The following GSDME variants were observed in gnomAD, a reference collection of about 807,000 sequenced individuals.
GSDME encodes the protein gasdermin E, also known as gasdermin-E.
GSDME carries 44 observed loss-of-function variants against 47.5 expected under a neutral mutation model. That is an observed-to-expected ratio of 0.93 (90% CI 0.73 to 1.19). The LOEUF (loss-of-function observed/expected upper bound fraction) is 1.19. Among genes scored for constraint, GSDME ranks in the 50% most tolerant of loss-of-function variants. GSDME has a pLI of 0.00. For missense variants in GSDME, 663 were observed against 604.2 expected (o/e 1.10, Z -1.02); for synonymous variants, 258 against 252.8 (o/e 1.02, Z -0.20).
chr7:24,762,963 G>T, the GSDME span, among the ~76,000 whole-genome samples: 1 of 152,262 alleles, frequency 6.6e-6, no homozygotes, highest in South Asian at 2.1e-4. Flanking sequence ...AGATAGATAA[G>T]GAAAGAACCC....
chr7:24,731,217 A>G (rs926456929), intron 3 of GSDME, among the ~76,000 whole-genome samples: 3 of 152,220 alleles, frequency 2.0e-5, no homozygotes, highest in African/African-American at 7.2e-5. Context: ...CAAGGGCTCC[A>G]TACACCTTTA....
At chr7:24,707,756 A>G (rs989891522) in intron 7 of GSDME, 2 of 453,990 alleles carry the variant, frequency 4.4e-6, no homozygotes, top group Non-Finnish European at 3.9e-6. Flanking sequence ...GCCATGAGCC[A>G]GGAACACTAG....
At chr7:24,752,132 G>A (rs1790879109) in intron 1 of GSDME, among the ~76,000 whole-genome samples, 1 of 152,212 alleles carries the variant, frequency 6.6e-6, no homozygotes, top group African/African-American at 2.4e-5. Flanking sequence ...AGGAGGTGAT[G>A]GAGGGATGGG....
upstream of GSDME, among the ~76,000 whole-genome samples, chr7:24,762,537 C>G (rs1010667401): frequency 6.6e-6 from 1 of 152,048 alleles, no homozygotes; most frequent in Admixed American, 6.6e-5. Context: ...AGCCCATGCA[C>G]CTAACATCTT....
chr7:24,746,430 C>T (rs1351899558), intron 2 of GSDME, among the ~76,000 whole-genome samples: 2 of 151,900 alleles, frequency 1.3e-5, no homozygotes, highest in African/African-American at 4.8e-5. Context: ...AGCTACCTGA[C>T]GGGTTCTGCT....
chr7:24,726,190 C>G lies in GSDME; in HGVS notation c.405-6972G>C, dbSNP rs953882569. Among the ~76,000 whole-genome samples, 1 of 152,176 alleles carries G rather than the reference C, an allele frequency of 6.6e-6. No individual in the cohort carries two copies. Among genetic ancestry groups the G allele is most frequent in the Non-Finnish European group, 1.5e-5 (1 of 68,030 alleles). On this transcript the variant is annotated intron_variant, in intron 3 of 9. Transcript: ENST00000645220. The surrounding 1 kb of genome is among the most constrained non-coding windows in gnomAD (Gnocchi z 5.6). ...AGCCGCCTCCTCTCCCAGCCTGAAG[C>G]TTTAATTTCCATTTTCTCTGCTTCT...
chr7:24,707,709 G>T, intron 7 of GSDME: 1 of 396,764 alleles, frequency 2.5e-6, no homozygotes, highest in Non-Finnish European at 4.6e-6. Flanking sequence ...CAGAGGGGAA[G>T]CCCACATGGA....
rs2237308 is a variant in GSDME, at chr7:24,719,519, G to A, written c.405-301C>T. Among the ~76,000 whole-genome samples, 15,644 of 152,162 alleles carry A rather than the reference G, an allele frequency of 0.1. 1,364 individuals are homozygous for A. Among genetic ancestry groups the A allele is most frequent in the East Asian group, 0.46 (2,370 of 5,154 alleles). ...AAAAGAAAATCAACCAGGGCCAGGC[G>A]TGGTGGCTCACACCTGTAATCCCAG... On this transcript the variant is annotated intron_variant, in intron 3 of 9. Coordinates refer to ENST00000645220, the MANE Select transcript of GSDME (RefSeq NM_001127453.2).
chr7:24,751,158 T>G (rs767399306), intron 1 of GSDME, among the ~76,000 whole-genome samples: 16 of 152,148 alleles, frequency 1.1e-4, no homozygotes, highest in Non-Finnish European at 2.2e-4. Flanking sequence ...AAAACTTTCA[T>G]AAATCAAGTT....
chr7:24,700,190 C>T (rs1409582016), intron 9 of GSDME, among the ~76,000 whole-genome samples: 1 of 152,040 alleles, frequency 6.6e-6, no homozygotes, highest in Non-Finnish European at 1.5e-5. Flanking sequence ...CTTATTTAAC[C>T]CTAAGCTGCT....
rs1026619870 is a variant in GSDME, at chr7:24,726,655, C to G, written c.405-7437G>C. Among the ~76,000 whole-genome samples, 13 of 152,062 alleles carry G rather than the reference C, an allele frequency of 8.5e-5. No individual in the cohort carries two copies. The highest frequency in any genetic ancestry group is 1.5e-4 in the Non-Finnish European group (10 of 68,012). On this transcript the variant is annotated intron_variant, in intron 3 of 9. Coordinates refer to ENST00000645220, the MANE Select transcript of GSDME (RefSeq NM_001127453.2). The surrounding 1 kb of genome is among the most constrained non-coding windows in gnomAD (Gnocchi z 5.6). The stretch of plus-strand genomic sequence containing the variant: ...TGGTTAATATGGTGAAACCCCGTCT[C>G]TACTAAAAATACAAAAAATCAGCCC...
At chr7:24,729,037 C>A (rs1277767339) in intron 3 of GSDME, among the ~76,000 whole-genome samples, 14 of 152,286 alleles carry the variant, frequency 9.2e-5, no homozygotes, top group Non-Finnish European at 2.1e-4. Flanking sequence ...GTCTCTAATA[C>A]CTTATCTTAC....
At chr7:24,715,790 G>C (rs138271046) in intron 5 of GSDME, among the ~76,000 whole-genome samples, 145 of 152,260 alleles carry the variant, frequency 9.5e-4, no homozygotes, top group African/African-American at 3.3e-3. Flanking sequence ...AGCATTTCTT[G>C]GTCCCTGACA....
At chr7:24,777,492 A>G in the GSDME span, among the ~76,000 whole-genome samples, 1 of 152,242 alleles carries the variant, frequency 6.6e-6, no homozygotes, top group Admixed American at 6.5e-5. Context: ...AAATGCAGAC[A>G]TACAGAAAGT....
At chr7:24,792,390 C>T in the GSDME span, among the ~76,000 whole-genome samples, 11 of 152,158 alleles carry the variant, frequency 7.2e-5, no homozygotes, top group African/African-American at 2.7e-4. Context: ...TTGTCGAAAT[C>T]TCCTCAGATA....
At chr7:24,723,260 G>C (rs1288098375) in intron 3 of GSDME, among the ~76,000 whole-genome samples, 1 of 152,134 alleles carries the variant, frequency 6.6e-6, no homozygotes, top group Non-Finnish European at 1.5e-5. Flanking sequence ...AAGCAATCTC[G>C]GGAGGGAATT....
At chr7:24,699,531 G>T (rs1311996085) in intron 9 of GSDME, among the ~76,000 whole-genome samples, 1 of 152,090 alleles carries the variant, frequency 6.6e-6, no homozygotes, top group Non-Finnish European at 1.5e-5. Context: ...GTAGAGATGG[G>T]GTTTCACCGT....
At chr7:24,722,302 A>G (rs1789819498) in intron 3 of GSDME, among the ~76,000 whole-genome samples, 1 of 152,220 alleles carries the variant, frequency 6.6e-6, no homozygotes, top group South Asian at 2.1e-4. Context: ...AGATGGGGGA[A>G]ATGGAGGATC....
Position 24,728,868 on chromosome 7 carries a change from T to C in GSDME, c.405-9650A>G, listed in dbSNP as rs1164110702. ...ACTTCCAACACAGTGAGATAAGCCC[T>C]GCTCTTTCTCTCTCTGTCACTTGGC... On this transcript the variant is annotated intron_variant, in intron 3 of 9. Transcript: ENST00000645220. This position sits in a 1 kb window ranked among gnomAD's most constrained non-coding sequence, Gnocchi z 7.2. 1.3e-5 allele frequency among the ~76,000 whole-genome samples: 2 copies of C among 152,246 alleles called. No individual in the cohort carries two copies. Among genetic ancestry groups the C allele is most frequent in the Non-Finnish European group, 2.9e-5 (2 of 68,032 alleles).
Sources: gnomAD v4.1 joint callset for allele counts (sites outside exome capture counted in the v4.1 genomes callset) on GRCh38, gnomAD v4.1.1 for gene constraint, Gnocchi (gnomAD v3.1) non-coding constraint, MANE v1.5 for transcripts, NCBI Gene and HGNC (gene_info 2026-07-23, HGNC 2026-07-21) for gene names.